The following HCN1 variants were observed in gnomAD, a reference collection of about 807,000 sequenced individuals.
The protein encoded by HCN1 is potassium/sodium hyperpolarization-activated cyclic nucleotide-gated channel 1.
In HCN1, 13 loss-of-function variants were observed where a neutral mutation model predicts 78.9. The ratio of observed to expected loss-of-function variants is 0.16; its 90% CI spans 0.11 to 0.26. The LOEUF is 0.26. Among genes scored for constraint, HCN1 ranks in the 10% least tolerant of loss-of-function variants. The pLI is 1.00. For missense variants in HCN1, 810 were observed against 1,154.3 expected (o/e 0.70, Z 4.32); for synonymous variants, 552 against 455.5 (o/e 1.21, Z -2.70).
At chr5:45,382,262 C>T (rs1747826366) in intron 4 of HCN1, among the ~76,000 whole-genome samples, 1 of 152,280 alleles carries the variant, frequency 6.6e-6, no homozygotes, top group African/African-American at 2.4e-5. Flanking sequence ...CACTTATCAT[C>T]ATCTGCAAGC....
At chr5:45,349,954 A>G (rs557043473) in intron 5 of HCN1, among the ~76,000 whole-genome samples, 1 of 152,326 alleles carries the variant, frequency 6.6e-6, no homozygotes. Context: ...TACAAGGAGG[A>G]ACTGGTACCA....
intron 2 of HCN1, chr5:45,641,879 C>A (rs912311819): frequency 1.3e-5 from 2 of 152,128 alleles, no homozygotes; most frequent in African/African-American, 4.8e-5. Flanking sequence ...GTGATTGTCA[C>A]ATATTCCATT....
At chr5:45,373,984 A>AATATATATAATATATATT in intron 4 of HCN1, among the ~76,000 whole-genome samples, 1 of 105,370 alleles carries the variant, frequency 9.5e-6, no homozygotes, top group Non-Finnish European at 1.8e-5. Context: ...GTAGATACAT[A>AATATATATAATATATATT]ATATATATAA....
At chr5:45,587,060 A>T (rs1744244769) in intron 2 of HCN1, among the ~76,000 whole-genome samples, 1 of 152,194 alleles carries the variant, frequency 6.6e-6, no homozygotes, top group Admixed American at 6.5e-5. Flanking sequence ...CAGGTGCTGG[A>T]GAGGATGTGG....
chr5:45,310,647 C>A (rs563590786), intron 5 of HCN1, among the ~76,000 whole-genome samples: 1 of 152,210 alleles, frequency 6.6e-6, no homozygotes, highest in Admixed American at 6.5e-5. Flanking sequence ...CCATTCAACC[C>A]AGCAATCCCA....
intron 2 of HCN1, among the ~76,000 whole-genome samples, chr5:45,566,754 A>C (rs1034023176): frequency 1.3e-5 from 2 of 152,208 alleles, no homozygotes; most frequent in Admixed American, 6.5e-5. Flanking sequence ...TTTCTGGAAG[A>C]TTAGCCCTTC....
chr5:45,687,237 A>G (rs1031252079), intron 1 of HCN1, among the ~76,000 whole-genome samples: 39 of 152,150 alleles, frequency 2.6e-4, no homozygotes, highest in African/African-American at 9.4e-4. Context: ...ATCCTTGGAC[A>G]GTCTTTTTCT....
intron 2 of HCN1, among the ~76,000 whole-genome samples, chr5:45,572,323 T>A (rs902540627): frequency 6.6e-6 from 1 of 152,176 alleles, no homozygotes; most frequent in African/African-American, 2.4e-5. Context: ...CTCATTGTCC[T>A]TTCATGTTCT....
At chr5:45,324,827 G>A (rs145065075) in intron 5 of HCN1, among the ~76,000 whole-genome samples, 1 of 151,636 alleles carries the variant, frequency 6.6e-6, no homozygotes, top group Non-Finnish European at 1.5e-5. Flanking sequence ...CACGAAATTT[G>A]TGAAAAAAAA....
intron 3 of HCN1, among the ~76,000 whole-genome samples, chr5:45,448,807 C>G (rs977608386): frequency 6.6e-6 from 1 of 152,112 alleles, no homozygotes; most frequent in Non-Finnish European, 1.5e-5. Context: ...TGTGTACTGA[C>G]TTGAGAAGTA....
At chr5:45,334,682 T>C (rs559606866) in intron 5 of HCN1, among the ~76,000 whole-genome samples, 1 of 152,134 alleles carries the variant, frequency 6.6e-6, no homozygotes, top group Admixed American at 6.6e-5. Context: ...GTTTGTTTTA[T>C]AGAATGCAGA....
chr5:45,364,209 CCTTTT>C (rs540339674), intron 4 of HCN1, among the ~76,000 whole-genome samples: 255 of 152,222 alleles, frequency 1.7e-3, no homozygotes, highest in African/African-American at 5.8e-3. Context: ...CCCAAGGCCG[CCTTTT>C]CTTTTCACCT....
At chr5:45,470,800 A>T (rs576698270) in intron 2 of HCN1, among the ~76,000 whole-genome samples, 1 of 151,982 alleles carries the variant, frequency 6.6e-6, no homozygotes, top group Non-Finnish European at 1.5e-5. Context: ...TTATGACAAC[A>T]TCTTCCACAT....
intron 4 of HCN1, among the ~76,000 whole-genome samples, chr5:45,371,999 T>TAA (rs1327850355): frequency 0.022 from 10 of 450 alleles, no homozygotes; most frequent in Non-Finnish European, 0.042. Flanking sequence ...ATGTAATATA[T>TAA]ATAGTATATA....
intron 2 of HCN1, among the ~76,000 whole-genome samples, chr5:45,593,147 T>C (rs1049227304): frequency 6.6e-5 from 10 of 152,184 alleles, no homozygotes; most frequent in Non-Finnish European, 1.2e-4. Flanking sequence ...TGTACATACC[T>C]TTTCTTATTT....
intron 2 of HCN1, among the ~76,000 whole-genome samples, chr5:45,628,315 T>C (rs1385645921): frequency 2.6e-5 from 4 of 152,214 alleles, no homozygotes; most frequent in Admixed American, 2.0e-4. Flanking sequence ...ACCTGAATAA[T>C]GCAGGCCCTG....
chr5:45,447,581 A>G (rs1740825845), intron 3 of HCN1, among the ~76,000 whole-genome samples: 1 of 152,170 alleles, frequency 6.6e-6, no homozygotes, highest in Non-Finnish European at 1.5e-5. Context: ...TCCGATCTGA[A>G]GACAGGATCC....
chr5:45,475,148 G>C (rs1278911305), intron 2 of HCN1, among the ~76,000 whole-genome samples: 1 of 151,948 alleles, frequency 6.6e-6, no homozygotes, highest in Non-Finnish European at 1.5e-5. Context: ...AAATAAACTA[G>C]TGATTAAGTA....
chr5:45,530,098 T>C (rs994404283), intron 2 of HCN1, among the ~76,000 whole-genome samples: 7 of 152,118 alleles, frequency 4.6e-5, no homozygotes, highest in Non-Finnish European at 8.8e-5. Context: ...AAGACTGACC[T>C]AGAAGTCAGA....
Sources: allele counts gnomAD v4.1 joint callset (sites outside exome capture counted in the v4.1 genomes callset), GRCh38; gene constraint gnomAD v4.1.1; transcripts MANE v1.5; gene names NCBI Gene and HGNC (gene_info 2026-07-23, HGNC 2026-07-21).